Variants in PSMF1 observed in about 807,000 individuals in gnomAD.
PSMF1 encodes the protein proteasome inhibitor subunit 1, also known as proteasome inhibitor PI31 subunit.
PSMF1 carries 30 observed loss-of-function variants against 29.3 expected under a neutral mutation model. The ratio of observed to expected loss-of-function variants is 1.02; its 90% CI spans 0.77 to 1.39. The LOEUF (loss-of-function observed/expected upper bound fraction) is 1.39. PSMF1 is among the 40% of genes most tolerant of loss of function. The probability of loss-of-function intolerance (pLI) is 0.00; values close to 1 mark genes in which losing one functional copy is unlikely to be tolerated. For synonymous variants in PSMF1, 134 were observed against 139.7 expected (o/e 0.96, Z 0.29); for missense variants, 344 against 357.5 (o/e 0.96, Z 0.31).
Position 1,171,874 on chromosome 20 carries a change from A to C in PSMF1, c.*6794A>C, listed in dbSNP as rs1425821513. On this transcript the variant is annotated 3_prime_UTR_variant, in exon 7 of 7. Transcript: ENST00000335877. ...CTCCTTCAGAAGGAAGTATGGGAGC[A>C]GTTCCATCCTCAAGGTTTCTTGGTT... Among the ~76,000 whole-genome samples, 3 of 152,258 alleles carry C rather than the reference A, an allele frequency of 2.0e-5. No individual in the cohort carries two copies. The highest frequency in any genetic ancestry group is 4.4e-5 in the Non-Finnish European group (3 of 68,044).
At chr20:1,131,661 CTCT>C (rs1433221166) in intron 3 of PSMF1, among the ~76,000 whole-genome samples, 1 of 152,200 alleles carries the variant, frequency 6.6e-6, no homozygotes, top group African/African-American at 2.4e-5. Context: ...CATGTCTTGC[CTCT>C]TCCAGCAATT....
At chr20:1,115,914 G>C (rs1276680236), upstream of PSMF1, among the ~76,000 whole-genome samples, 1 of 151,752 alleles carries the variant, frequency 6.6e-6, no homozygotes, top group Non-Finnish European at 1.5e-5. Context: ...TGTATTTTTA[G>C]TAGAGACAGG....
chr20:1,164,586 C>A lies in PSMF1; in HGVS notation c.764+110C>A. 1 of 1,431,828 alleles carries A rather than the reference C, an allele frequency of 7.0e-7. No homozygotes were observed. The highest frequency in any genetic ancestry group is 9.6e-7 in the Non-Finnish European group (1 of 1,046,024). 88.7% of individuals were successfully genotyped at this position (1,431,828 alleles called of 1,614,324 possible). On this transcript the variant is annotated intron_variant, in intron 6 of 6. Transcript: ENST00000335877. The surrounding 1 kb of genome is among the most constrained non-coding windows in gnomAD (Gnocchi z 4.1). ...GGCACAGAGCTGCCGCTGCCTTCAC[C>A]TGTTGCTGCCAGGAGAGTGGAGCCT...
chr20:1,169,147 C>T lies in PSMF1; in HGVS notation c.*4067C>T, dbSNP rs1015161444. ...AATTTCTGTTTACTGCATCTGAACCCCAGGACTAATGCGTCACTGCATTAA... is the reference window on the plus strand; with the variant it reads ...AATTTCTGTTTACTGCATCTGAACCTCAGGACTAATGCGTCACTGCATTAA... On this transcript the variant is annotated 3_prime_UTR_variant, in exon 7 of 7. Coordinates refer to ENST00000335877, the MANE Select transcript of PSMF1 (RefSeq NM_006814.5). Among the ~76,000 whole-genome samples the T allele has an allele frequency of 2.6e-5, 4 of 152,076 alleles. No homozygotes were observed. Among genetic ancestry groups the T allele is most frequent in the African/African-American group, 9.7e-5 (4 of 41,424 alleles).
upstream of PSMF1, among the ~76,000 whole-genome samples, chr20:1,116,491 A>T (rs1377448359): frequency 6.6e-6 from 1 of 152,218 alleles, no homozygotes; most frequent in African/African-American, 2.4e-5. Context: ...TTAGGAACAC[A>T]AAATTTGGAG....
chr20:1,150,172 C>G lies in PSMF1; in HGVS notation c.552-12958C>G, dbSNP rs976020397. ...TCCAGCCTGGGCAACAGAGCAAGAC[C>G]CTGTCTCAAAAAAAAAAAAAAAAGT... On this transcript the variant is annotated intron_variant, in intron 4 of 6. Coordinates refer to ENST00000335877, the MANE Select transcript of PSMF1 (RefSeq NM_006814.5). Among the ~76,000 whole-genome samples the G allele has an allele frequency of 1.0e-2, 1,498 of 150,374 alleles. 23 individuals carry two copies. Among genetic ancestry groups the G allele is most frequent in the African/African-American group, 0.035 (1,427 of 40,808 alleles).
At chr20:1,161,258 C>T (rs1045721470) in intron 4 of PSMF1, 14 of 320,490 alleles carry the variant, frequency 4.4e-5, no homozygotes, top group African/African-American at 1.7e-4. Context: ...AGATGGCCAC[C>T]GCTATGTCAT....
chr20:1,165,197 T>G lies in PSMF1; in HGVS notation c.*117T>G, dbSNP rs1417975923. On this transcript the variant is annotated 3_prime_UTR_variant, in exon 7 of 7. Coordinates refer to ENST00000335877, the MANE Select transcript of PSMF1 (RefSeq NM_006814.5). ...GGGCAAGGGATTCTGCTCATGTGTTTGCAGACCGGCTGGGATAGCCTCCCC... is the reference window on the plus strand; with the variant it reads ...GGGCAAGGGATTCTGCTCATGTGTTGGCAGACCGGCTGGGATAGCCTCCCC... The G allele has an allele frequency of 6.4e-7, 1 of 1,555,250 alleles. No individual in the cohort carries two copies. The highest frequency in any genetic ancestry group is 8.7e-7 in the Non-Finnish European group (1 of 1,149,040).
rs893976479 is a variant in PSMF1, at chr20:1,135,288, C to A, written c.533C>A (p.Thr178Asn). ...CGGATTCCTCCACACCACCCACACA[C>A]CAGTCGGCAGCCTCCCTGGTGAGTA... ...PLRIPPHHPH[T>N]SRQPPWCDPL... Residue 178 changes from threonine to asparagine, a missense_variant, in exon 4 of 7, where the codon ACC becomes AAC. Physicochemically the swap from Thr to Asn is moderately conservative, Grantham distance 65. Transcript: ENST00000335877. The A allele has an allele frequency of 6.2e-7, 1 of 1,612,994 alleles. No individual in the cohort carries two copies. The highest frequency in any genetic ancestry group is 8.5e-7 in the Non-Finnish European group (1 of 1,179,372).
At chr20:1,128,276 A>G (rs2086185420) in intron 3 of PSMF1, among the ~76,000 whole-genome samples, 1 of 152,218 alleles carries the variant, frequency 6.6e-6, no homozygotes, top group Non-Finnish European at 1.5e-5. Flanking sequence ...TTCAGCAGAT[A>G]GAGCTAGGAA....
chr20:1,139,163 A>G (rs1432741692), intron 4 of PSMF1, among the ~76,000 whole-genome samples: 1 of 152,214 alleles, frequency 6.6e-6, no homozygotes, highest in African/African-American at 2.4e-5. Flanking sequence ...ACAGAGCGAG[A>G]CTGTGTCAGA....
intron 3 of PSMF1, among the ~76,000 whole-genome samples, chr20:1,133,569 A>ATATATTT: frequency 5.6e-5 from 3 of 53,288 alleles, no homozygotes; most frequent in Non-Finnish European, 1.4e-4. Flanking sequence ...ATATATATAT[A>ATATATTT]TTTTTTTTTT....
At chr20:1,138,804 A>C (rs1430079256) in intron 4 of PSMF1, among the ~76,000 whole-genome samples, 5 of 151,978 alleles carry the variant, frequency 3.3e-5, no homozygotes, top group Admixed American at 2.6e-4. Flanking sequence ...CAGCCTGGGC[A>C]ACAAAGTGAG....
At chr20:1,155,542 G>A (rs1010202809) in intron 4 of PSMF1, among the ~76,000 whole-genome samples, 1 of 152,212 alleles carries the variant, frequency 6.6e-6, no homozygotes, top group Non-Finnish European at 1.5e-5. Flanking sequence ...GCCTTCCAAG[G>A]AAATGGAAAG....
chr20:1,115,662 A>G, upstream of PSMF1, among the ~76,000 whole-genome samples: 1 of 152,132 alleles, frequency 6.6e-6, no homozygotes, highest in Non-Finnish European at 1.5e-5. Context: ...GTAATCCCAC[A>G]GAGCTAGCTG....
Position 1,133,555 on chromosome 20 carries a change from G to GTATATATATATATATATATA in PSMF1, c.366-1551_366-1550insATATATATATATATATATAT, listed in dbSNP as rs1311800612. 1.1e-3 allele frequency among the ~76,000 whole-genome samples: 60 copies of GTATATATATATATATATATA among 53,936 alleles called. 3 individuals carry two copies. The highest frequency in any genetic ancestry group is 1.4e-3 in the Non-Finnish European group (33 of 23,818). 35.4% of individuals were successfully genotyped at this position (53,936 alleles called of 152,430 possible). A position where few individuals can be genotyped will look rare whatever the true frequency, so the allele number is the denominator to read the frequency against. On this transcript the variant is annotated intron_variant, in intron 3 of 6. Transcript: ENST00000335877. ...ATAGGATATACTAGTCTATATATGT[G>GTATATATATATATATATATA]TATATATATATATATTTTTTTTTTT...
chr20:1,122,657 A>G (rs566972905), intron 1 of PSMF1, among the ~76,000 whole-genome samples: 3 of 152,158 alleles, frequency 2.0e-5, no homozygotes, highest in Non-Finnish European at 2.9e-5. Context: ...TACTTAGGCT[A>G]CTTTCCAACT....
rs1017338888 is a variant in PSMF1, at chr20:1,170,894, CA to C, written c.*5815del. Reference sequence around the variant, plus strand: ...CAGCGTGCTAGGCTTCTCCTCATCGCATGTAGTACCCCTGACAACCCCAAGG... The same window carrying C: ...CAGCGTGCTAGGCTTCTCCTCATCGCTGTAGTACCCCTGACAACCCCAAGG... On this transcript the variant is annotated 3_prime_UTR_variant, in exon 7 of 7. Transcript: ENST00000335877. 1.1e-4 allele frequency among the ~76,000 whole-genome samples: 17 copies of C among 152,228 alleles called. No homozygotes were observed. The highest frequency in any genetic ancestry group is 1.1e-3 in the Admixed American group (17 of 15,294).
In PSMF1 at chr20:1,168,840, A is replaced by G. The variant is rs1010171353; in HGVS notation, c.*3760A>G. ...ATTTGTCTACTTCTGTACATTTCCA[A>G]TAAGGCACCACCAGGGCAAGGGAAG... On this transcript the variant is annotated 3_prime_UTR_variant, in exon 7 of 7. Transcript: ENST00000335877. Among the ~76,000 whole-genome samples the G allele has an allele frequency of 1.3e-4, 20 of 152,294 alleles. No homozygotes were observed. Among genetic ancestry groups the G allele is most frequent in the African/African-American group, 4.6e-4 (19 of 41,562 alleles).
Sources: allele counts gnomAD v4.1 joint callset (sites outside exome capture counted in the v4.1 genomes callset), GRCh38; gene constraint gnomAD v4.1.1; non-coding constraint Gnocchi (gnomAD v3.1); transcripts MANE v1.5; gene names NCBI Gene and HGNC (gene_info 2026-07-23, HGNC 2026-07-21).